The following LDB2 variants were observed in gnomAD, a reference collection of about 807,000 sequenced individuals.
LDB2 encodes the protein LIM domain binding 2.
A neutral mutation model predicts 44.3 loss-of-function variants in LDB2; 12 were observed. The ratio of observed to expected loss-of-function variants is 0.27; its 90% CI spans 0.17 to 0.44. The LOEUF is 0.44. Ranked by LOEUF, LDB2 falls within the 20% of genes least tolerant of loss-of-function variation. LDB2 has a pLI of 1.00. For synonymous variants in LDB2, 164 were observed against 174.8 expected (o/e 0.94, Z 0.49); for missense variants, 344 against 473.5 (o/e 0.73, Z 2.54).
intron 2 of LDB2, among the ~76,000 whole-genome samples, chr4:16,607,721 T>G (rs1176448008): frequency 6.6e-6 from 1 of 152,230 alleles, no homozygotes; most frequent in Non-Finnish European, 1.5e-5. Context: ...TTATTGTCTT[T>G]CCTTCAGTGA....
At chr4:16,687,516 C>T (rs1749556968) in intron 2 of LDB2, among the ~76,000 whole-genome samples, 1 of 152,088 alleles carries the variant, frequency 6.6e-6, no homozygotes, top group Admixed American at 6.5e-5. Context: ...CCAGTCTGCA[C>T]AGCAGCAGAA....
chr4:16,830,083 C>A (rs1783793021), intron 1 of LDB2, among the ~76,000 whole-genome samples: 1 of 151,998 alleles, frequency 6.6e-6, no homozygotes, highest in South Asian at 2.1e-4. Context: ...TGCACTTCAG[C>A]CTGGTGACAG....
At chr4:16,649,135 T>G (rs1737578970) in intron 2 of LDB2, among the ~76,000 whole-genome samples, 1 of 152,240 alleles carries the variant, frequency 6.6e-6, no homozygotes, top group African/African-American at 2.4e-5. Flanking sequence ...CTGCTCTTGG[T>G]AGAACCCTAG....
chr4:16,635,575 G>A (rs1266767420), intron 2 of LDB2, among the ~76,000 whole-genome samples: 10 of 152,178 alleles, frequency 6.6e-5, no homozygotes, highest in Non-Finnish European at 1.0e-4. Context: ...ATGCAGTCAT[G>A]CCCTTAAGGA....
At chr4:16,787,003 A>G (rs1774577171) in intron 1 of LDB2, among the ~76,000 whole-genome samples, 1 of 152,154 alleles carries the variant, frequency 6.6e-6, no homozygotes, top group African/African-American at 2.4e-5. Flanking sequence ...GGGTGCTGGA[A>G]GGGGGAACCT....
chr4:16,563,429 A>ATTTTTTTT lies in LDB2; in HGVS notation c.615+22485_615+22492dup, dbSNP rs1169491759. ...TCAAAACCATCTCATCAGTCATCAG[A>ATTTTTTTT]TTTTTTTTTTTTTTTTTTTTTTTTT... is the stretch of plus-strand genomic sequence containing the variant. On this transcript the variant is annotated intron_variant, in intron 5 of 7. Transcript: ENST00000304523. Among the ~76,000 whole-genome samples, 37 of 46,574 alleles carry ATTTTTTTT rather than the reference A, an allele frequency of 7.9e-4. 8 individuals are homozygous for ATTTTTTTT. Among genetic ancestry groups the ATTTTTTTT allele is most frequent in the East Asian group, 2.6e-3 (5 of 1,906 alleles). The allele number at this position is 46,574 out of a possible 152,430, so 30.6% of individuals were successfully genotyped here.
At chr4:16,875,073 G>A (rs1355552215) in intron 1 of LDB2, among the ~76,000 whole-genome samples, 1 of 152,150 alleles carries the variant, frequency 6.6e-6, no homozygotes, top group African/African-American at 2.4e-5. Context: ...ACATCTGATA[G>A]ACCAGAAAAT....
intron 5 of LDB2, among the ~76,000 whole-genome samples, chr4:16,532,784 T>G (rs1460693462): frequency 6.6e-6 from 1 of 152,186 alleles, no homozygotes. Flanking sequence ...AATCATCTAC[T>G]GTGGTATTAG....
chr4:16,840,982 T>C (rs1785768179), intron 1 of LDB2, among the ~76,000 whole-genome samples: 2 of 152,160 alleles, frequency 1.3e-5, no homozygotes, highest in Non-Finnish European at 2.9e-5. Context: ...AAAGAGGATT[T>C]GCTTGGTTGC....
In LDB2 at chr4:16,589,323, C is replaced by T. The variant is rs569272985; in HGVS notation, c.409-491G>A. On this transcript the variant is annotated intron_variant, in intron 3 of 7. Transcript: ENST00000304523. Reference sequence around the variant, plus strand: ...AGTTTTTATTTCCAAAACGAAATTCCGGAGGGCAATGTTTAACCCAAGGCA... The same window carrying T: ...AGTTTTTATTTCCAAAACGAAATTCTGGAGGGCAATGTTTAACCCAAGGCA... 1.8e-4 allele frequency among the ~76,000 whole-genome samples: 28 copies of T among 152,166 alleles called. 2 individuals are homozygous for T. In the South Asian group the frequency reaches 4.6e-3, roughly 25 times the overall value.
intron 5 of LDB2, among the ~76,000 whole-genome samples, chr4:16,529,877 C>A (rs1351273944): frequency 6.6e-6 from 1 of 152,154 alleles, no homozygotes; most frequent in Non-Finnish European, 1.5e-5. Context: ...TGATGCTGCC[C>A]ATTCAGGCAT....
At chr4:16,736,798 T>A (rs976961273) in intron 2 of LDB2, among the ~76,000 whole-genome samples, 1 of 152,212 alleles carries the variant, frequency 6.6e-6, no homozygotes, top group African/African-American at 2.4e-5. Context: ...CAGAAATTCA[T>A]ATCAACAGGG....
intron 1 of LDB2, among the ~76,000 whole-genome samples, chr4:16,851,001 C>G (rs1417565083): frequency 7.3e-6 from 1 of 136,884 alleles, no homozygotes; most frequent in East Asian, 2.1e-4. Flanking sequence ...AGATGACACC[C>G]AGGGAGAATG....
intron 2 of LDB2, chr4:16,752,463 A>G (rs1313559983): frequency 2.2e-6 from 1 of 452,572 alleles, no homozygotes; most frequent in Non-Finnish European, 4.4e-6. Flanking sequence ...TGGTTCCTGT[A>G]TAGAAAGAAG....
intron 5 of LDB2, among the ~76,000 whole-genome samples, chr4:16,518,554 A>G (rs1303671065): frequency 6.6e-6 from 1 of 151,798 alleles, no homozygotes; most frequent in East Asian, 1.9e-4. Flanking sequence ...TTGGCAAACT[A>G]TGACCTGTGG....
At chr4:16,580,943 G>A (rs1233845387) in intron 5 of LDB2, among the ~76,000 whole-genome samples, 4 of 152,078 alleles carry the variant, frequency 2.6e-5, no homozygotes, top group African/African-American at 7.2e-5. Context: ...AAGAAAACAT[G>A]GTTGTTGCAT....
chr4:16,588,317 A>G (rs1190956693), intron 4 of LDB2, among the ~76,000 whole-genome samples: 2 of 152,176 alleles, frequency 1.3e-5, no homozygotes, highest in Non-Finnish European at 2.9e-5. Flanking sequence ...GGTTCTAATC[A>G]AAACTGGAAA....
chr4:16,760,642 A>C (rs1440636747), intron 1 of LDB2, among the ~76,000 whole-genome samples: 1 of 152,176 alleles, frequency 6.6e-6, no homozygotes, highest in Non-Finnish European at 1.5e-5. Context: ...GCACAGCTGA[A>C]TAAGAGACTG....
At chr4:16,782,281 C>T (rs548565023) in intron 1 of LDB2, among the ~76,000 whole-genome samples, 33 of 152,272 alleles carry the variant, frequency 2.2e-4, no homozygotes, top group Admixed American at 1.9e-3. Flanking sequence ...TAATTCACTG[C>T]TCTTTCTCCA....
Sources: gnomAD v4.1 joint callset for allele counts (sites outside exome capture counted in the v4.1 genomes callset) on GRCh38, gnomAD v4.1.1 for gene constraint, MANE v1.5 for transcripts, NCBI Gene and HGNC (gene_info 2026-07-23, HGNC 2026-07-21) for gene names.